The following GPC5 variants were observed in gnomAD, a reference collection of about 807,000 sequenced individuals.
GPC5 encodes glypican 5.
Under a neutral mutation model 53.9 loss-of-function variants are expected in GPC5, and 47 were observed. The ratio of observed to expected loss-of-function variants is 0.87; its 90% CI spans 0.69 to 1.11. GPC5 has a LOEUF of 1.11. GPC5 is among the 50% of genes most tolerant of loss of function. GPC5 has a pLI of 0.00. For synonymous variants in GPC5, 286 were observed against 263.3 expected (o/e 1.09, Z -0.84); for missense variants, 748 against 713.1 (o/e 1.05, Z -0.56).
chr13:92,347,481 A>T (rs1253239957), intron 7 of GPC5, among the ~76,000 whole-genome samples: 2 of 152,196 alleles, frequency 1.3e-5, no homozygotes, highest in South Asian at 4.1e-4. Flanking sequence ...CTTTCCCAGA[A>T]AAATGAAAGC....
At chr13:92,114,791 G>C (rs2041587555) in intron 6 of GPC5, among the ~76,000 whole-genome samples, 1 of 152,142 alleles carries the variant, frequency 6.6e-6, no homozygotes, top group Admixed American at 6.5e-5. Flanking sequence ...TCCTACATAA[G>C]CTAACCAGGT....
At chr13:92,081,431 G>A (rs1268277632) in intron 6 of GPC5, among the ~76,000 whole-genome samples, 1 of 152,244 alleles carries the variant, frequency 6.6e-6, no homozygotes, top group Non-Finnish European at 1.5e-5. Flanking sequence ...GCAGAACATA[G>A]CAAAGGCTAA....
intron 6 of GPC5, among the ~76,000 whole-genome samples, chr13:91,967,129 C>T (rs890658909): frequency 9.9e-5 from 15 of 152,124 alleles, no homozygotes; most frequent in African/African-American, 3.4e-4. Flanking sequence ...CCGTGTCTTA[C>T]ATGGTGGCAG....
chr13:91,837,942 T>C (rs2038740512), intron 5 of GPC5, among the ~76,000 whole-genome samples: 1 of 152,042 alleles, frequency 6.6e-6, no homozygotes, highest in African/African-American at 2.4e-5. Flanking sequence ...TCCAGAAAGC[T>C]GAAGATGAGG....
chr13:92,110,437 T>C (rs1208085010), intron 6 of GPC5, among the ~76,000 whole-genome samples: 2 of 152,138 alleles, frequency 1.3e-5, no homozygotes, highest in Non-Finnish European at 2.9e-5. Context: ...TGAATTATTC[T>C]ATCATGGCAT....
intron 6 of GPC5, among the ~76,000 whole-genome samples, chr13:91,971,381 C>A (rs181822793): frequency 1.3e-5 from 2 of 151,920 alleles, no homozygotes; most frequent in South Asian, 2.1e-4. Context: ...GTCTTGCTAG[C>A]GGTCTATCAA....
At chr13:92,100,414 A>G (rs2041456813) in intron 6 of GPC5, among the ~76,000 whole-genome samples, 1 of 152,184 alleles carries the variant, frequency 6.6e-6, no homozygotes, top group Non-Finnish European at 1.5e-5. Context: ...AAAAATTTAA[A>G]AAGTTAAATT....
At chr13:92,130,943 A>G (rs944596195) in intron 6 of GPC5, among the ~76,000 whole-genome samples, 2 of 151,792 alleles carry the variant, frequency 1.3e-5, no homozygotes, top group Non-Finnish European at 2.9e-5. Context: ...AAAAGATAGT[A>G]AAAAAACAGA....
chr13:92,849,346 T>C (rs1878716006), intron 7 of GPC5, among the ~76,000 whole-genome samples: 1 of 152,212 alleles, frequency 6.6e-6, no homozygotes, highest in South Asian at 2.1e-4. Context: ...GTTGAAGTAT[T>C]AAGTTAAATA....
chr13:92,741,739 C>A (rs548846944), intron 7 of GPC5, among the ~76,000 whole-genome samples: 1 of 152,112 alleles, frequency 6.6e-6, no homozygotes, highest in Admixed American at 6.5e-5. Context: ...CTCCCCTCTC[C>A]CCCTACACCA....
At chr13:91,547,320 G>A (rs765236420) in intron 2 of GPC5, among the ~76,000 whole-genome samples, 2 of 151,932 alleles carry the variant, frequency 1.3e-5, no homozygotes, top group Non-Finnish European at 2.9e-5. Flanking sequence ...ACAAAAAGGG[G>A]ACATAATTGC....
chr13:92,638,738 C>G (rs1407272028), intron 7 of GPC5, among the ~76,000 whole-genome samples: 1 of 152,136 alleles, frequency 6.6e-6, no homozygotes, highest in African/African-American at 2.4e-5. Flanking sequence ...GGCCACCACT[C>G]TTGTCTGTGT....
intron 1 of GPC5, among the ~76,000 whole-genome samples, chr13:91,410,551 T>C (rs1350578205): frequency 3.3e-5 from 5 of 151,786 alleles, no homozygotes; most frequent in South Asian, 2.1e-4. Context: ...TTTCACTGTG[T>C]TAGCCAGGAT....
At chr13:92,073,594 C>T (rs767393350) in intron 6 of GPC5, among the ~76,000 whole-genome samples, 19 of 152,200 alleles carry the variant, frequency 1.2e-4, no homozygotes, top group East Asian at 1.9e-4. Flanking sequence ...GACTTTCCTA[C>T]GTGAATCTTC....
chr13:92,755,047 C>T (rs1448720970), intron 7 of GPC5, among the ~76,000 whole-genome samples: 6 of 152,052 alleles, frequency 3.9e-5, no homozygotes, highest in African/African-American at 1.2e-4. Context: ...CACCACACCA[C>T]ACCTATTCCA....
At chr13:92,591,060 A>T (rs1401070371) in intron 7 of GPC5, among the ~76,000 whole-genome samples, 14 of 152,220 alleles carry the variant, frequency 9.2e-5, no homozygotes, top group Admixed American at 9.2e-4. Flanking sequence ...TTTTAATGCT[A>T]AAACAATGTA....
intron 7 of GPC5, among the ~76,000 whole-genome samples, chr13:92,793,589 C>T (rs1209597302): frequency 6.6e-6 from 1 of 151,948 alleles, no homozygotes; most frequent in Non-Finnish European, 1.5e-5. Flanking sequence ...AACAATGAAT[C>T]CAGGAGCTAG....
chr13:92,531,852 A>G (rs1881576695), intron 7 of GPC5, among the ~76,000 whole-genome samples: 1 of 152,202 alleles, frequency 6.6e-6, no homozygotes, highest in South Asian at 2.1e-4. Context: ...TCCTAAGGGT[A>G]GGAGTAATAT....
intron 5 of GPC5, among the ~76,000 whole-genome samples, chr13:91,833,883 G>T (rs1215028946): frequency 6.6e-6 from 1 of 152,128 alleles, no homozygotes; most frequent in East Asian, 1.9e-4. Flanking sequence ...TGTATTGGAA[G>T]TTCTGGCCAG....
Sources: allele counts gnomAD v4.1 joint callset (sites outside exome capture counted in the v4.1 genomes callset), GRCh38; gene constraint gnomAD v4.1.1; transcripts MANE v1.5; gene names NCBI Gene and HGNC (gene_info 2026-07-23, HGNC 2026-07-21).